Variants in UGT1A10 observed in about 807,000 individuals in gnomAD.
The protein encoded by UGT1A10 is UDP glucuronosyltransferase family 1 member A10.
A neutral mutation model predicts 45.8 loss-of-function variants in UGT1A10; 49 were observed. That is an observed-to-expected ratio of 1.07 (90% CI 0.85 to 1.36). The LOEUF (loss-of-function observed/expected upper bound fraction) is 1.36. UGT1A10 is among the 40% of genes most tolerant of loss of function. The probability of loss-of-function intolerance (pLI) is 0.00; values close to 1 mark genes in which losing one functional copy is unlikely to be tolerated. For missense variants in UGT1A10, 745 were observed against 668.6 expected (o/e 1.11, Z -1.26); for synonymous variants, 284 against 249.7 (o/e 1.14, Z -1.29).
At chr2:233,644,307 C>G (rs994495336) in intron 1 of UGT1A10, among the ~76,000 whole-genome samples, 7 of 152,174 alleles carry the variant, frequency 4.6e-5, no homozygotes, top group Non-Finnish European at 1.0e-4. Flanking sequence ...GTGGCTCATG[C>G]CTGTAATCCC....
intron 1 of UGT1A10, chr2:233,742,995 C>A (rs1168922692): frequency 4.3e-6 from 1 of 233,716 alleles, no homozygotes; most frequent in African/African-American, 2.3e-5. Flanking sequence ...TAGCAAATTG[C>A]ATACAGATAT....
At chr2:233,703,158 C>T (rs2075725163) in intron 1 of UGT1A10, among the ~76,000 whole-genome samples, 1 of 152,106 alleles carries the variant, frequency 6.6e-6, no homozygotes, top group Admixed American at 6.5e-5. Context: ...TGTATTTCTT[C>T]TTGATTCAAT....
At chr2:233,672,329 A>C (rs1483594052) in intron 1 of UGT1A10, 1 of 1,614,146 alleles carries the variant, frequency 6.2e-7, no homozygotes, top group Non-Finnish European at 8.5e-7. Flanking sequence ...AAAGACAAAA[A>C]ATTAGTAGAA....
At chr2:233,768,773 A>T (rs1302611596) in intron 4 of UGT1A10, among the ~76,000 whole-genome samples, 2 of 151,734 alleles carry the variant, frequency 1.3e-5, no homozygotes, top group Non-Finnish European at 2.9e-5. Context: ...TAGTAGAGAA[A>T]GGGTTTCACC....
At chr2:233,657,251 G>A (rs1216491196) in intron 1 of UGT1A10, among the ~76,000 whole-genome samples, 4 of 152,254 alleles carry the variant, frequency 2.6e-5, no homozygotes, top group South Asian at 2.1e-4. Context: ...AGCACCTGGC[G>A]GTTTAGTTTT....
At chr2:233,695,314 C>T (rs1256525000) in intron 1 of UGT1A10, among the ~76,000 whole-genome samples, 2 of 151,660 alleles carry the variant, frequency 1.3e-5, no homozygotes, top group Non-Finnish European at 2.9e-5. Context: ...TTAGTAGAGG[C>T]GGGGTTTCAC....
intron 1 of UGT1A10, among the ~76,000 whole-genome samples, chr2:233,668,105 T>C (rs192564367): frequency 6.6e-6 from 1 of 152,110 alleles, no homozygotes; most frequent in Non-Finnish European, 1.5e-5. Context: ...GTGCACAACA[T>C]GCAGGTTTGT....
At chr2:233,689,813 A>G (rs1208335304) in intron 1 of UGT1A10, 1 of 441,808 alleles carries the variant, frequency 2.3e-6, no homozygotes, top group Non-Finnish European at 4.5e-6. Flanking sequence ...ATAGGAAACC[A>G]AACATCTCTG....
intron 1 of UGT1A10, among the ~76,000 whole-genome samples, chr2:233,766,608 C>T (rs2126027033): frequency 6.6e-6 from 1 of 152,314 alleles, no homozygotes; most frequent in South Asian, 2.1e-4. Context: ...ACCACACCCT[C>T]TTCTACCCAG....
chr2:233,660,141 A>C (rs1431749041), intron 1 of UGT1A10, among the ~76,000 whole-genome samples: 1 of 152,198 alleles, frequency 6.6e-6, no homozygotes, highest in African/African-American at 2.4e-5. Flanking sequence ...CTGCAGCGAT[A>C]ATGTATTGTT....
intron 1 of UGT1A10, among the ~76,000 whole-genome samples, chr2:233,745,902 G>A (rs961529996): frequency 3.3e-5 from 5 of 151,560 alleles, no homozygotes; most frequent in Non-Finnish European, 7.4e-5. Flanking sequence ...CGTTTTTCAG[G>A]GAGCAGCTGA....
rs370790922 is a variant in UGT1A10 at position 233,760,312 on chromosome 2, C to T, written c.856-6722C>T. ...CATGGCTGTGGAGTCCCAGGGCGGACGCCCACTTGTCCTGGGCCTGCTGCT... is the reference window on the plus strand; with the variant it reads ...CATGGCTGTGGAGTCCCAGGGCGGATGCCCACTTGTCCTGGGCCTGCTGCT... On this transcript the variant is annotated intron_variant, in intron 1 of 4. Coordinates refer to ENST00000344644, the MANE Select transcript of UGT1A10 (RefSeq NM_019075.4). 93 of 1,613,694 alleles carry T rather than the reference C, an allele frequency of 5.8e-5. No individual in the cohort carries two copies. Among genetic ancestry groups the T allele is most frequent in the South Asian group, 2.2e-5 (2 of 91,058 alleles).
chr2:233,641,766 C>T (rs1012874860), intron 1 of UGT1A10, among the ~76,000 whole-genome samples: 4 of 152,176 alleles, frequency 2.6e-5, no homozygotes. Flanking sequence ...AGGATATTTT[C>T]ACCAGATATA....
In UGT1A10 at chr2:233,769,594, G is replaced by A; in HGVS notation, c.1295+1155G>A. 2 of 1,612,864 alleles carry A rather than the reference G, an allele frequency of 1.2e-6. No homozygotes were observed. The highest frequency in any genetic ancestry group is 1.7e-6 in the Non-Finnish European group (2 of 1,179,872). On this transcript the variant is annotated intron_variant, in intron 4 of 4. Coordinates refer to ENST00000344644, the MANE Select transcript of UGT1A10 (RefSeq NM_019075.4). This position sits in a 1 kb window ranked among gnomAD's most constrained non-coding sequence, Gnocchi z 4.4. ...GAGCATGTTCAGATGAGAGGAGACG[G>A]AACACGGGGACACACCAGCTTGAGC... is the stretch of plus-strand genomic sequence containing the variant.
chr2:233,642,752 G>A (rs1461209243), intron 1 of UGT1A10, among the ~76,000 whole-genome samples: 1 of 152,218 alleles, frequency 6.6e-6, no homozygotes, highest in African/African-American at 2.4e-5. Context: ...GTAACGCTGT[G>A]GTTCTTGCAG....
chr2:233,648,862 G>C, intron 1 of UGT1A10: 1 of 1,231,458 alleles, frequency 8.1e-7, no homozygotes, highest in Non-Finnish European at 1.2e-6. Flanking sequence ...CTTAAACATA[G>C]CCTCTGAAAT....
intron 1 of UGT1A10, among the ~76,000 whole-genome samples, chr2:233,727,290 G>A (rs1306281777): frequency 6.6e-6 from 1 of 152,162 alleles, no homozygotes; most frequent in Non-Finnish European, 1.5e-5. Flanking sequence ...GGAAGCTGAT[G>A]ACTTGGGCAG....
chr2:233,718,979 C>T (rs143900667), intron 1 of UGT1A10: 39 of 1,614,108 alleles, frequency 2.4e-5, no homozygotes, highest in Non-Finnish European at 3.2e-5. Flanking sequence ...AGCTCCATGC[C>T]AGAGGCCACC....
chr2:233,735,710 G>A (rs2078686166), intron 1 of UGT1A10, among the ~76,000 whole-genome samples: 1 of 152,114 alleles, frequency 6.6e-6, no homozygotes, highest in Non-Finnish European at 1.5e-5. Context: ...GCCTGGTGGT[G>A]ACAAAATCTC....
Sources: gnomAD v4.1 joint callset for allele counts (sites outside exome capture counted in the v4.1 genomes callset) on GRCh38, gnomAD v4.1.1 for gene constraint, Gnocchi (gnomAD v3.1) non-coding constraint, MANE v1.5 for transcripts, NCBI Gene and HGNC (gene_info 2026-07-23, HGNC 2026-07-21) for gene names.